The following PCDHGA4 variants were observed in gnomAD, a reference collection of about 807,000 sequenced individuals.
The protein encoded by PCDHGA4 is protocadherin gamma-A4.
PCDHGA4 carries 38 observed loss-of-function variants against 54.6 expected under a neutral mutation model. The observed-to-expected ratio is 0.70, with a 90% CI of 0.54 to 0.91. The LOEUF (loss-of-function observed/expected upper bound fraction) is 0.91. Among genes scored for constraint, PCDHGA4 ranks in the 40% least tolerant of loss-of-function variants. The pLI is 0.00. For missense variants in PCDHGA4, 1,298 were observed against 1,220.9 expected (o/e 1.06, Z -0.94); for synonymous variants, 511 against 512.9 (o/e 1.00, Z 0.05).
At chr5:141,362,001 C>T in intron 1 of PCDHGA4, 3 of 1,603,878 alleles carry the variant, frequency 1.9e-6, no homozygotes, top group South Asian at 1.1e-5. Flanking sequence ...TGGGGTTGCG[C>T]ACGGGTGAGG....
intron 1 of PCDHGA4, among the ~76,000 whole-genome samples, chr5:141,439,139 G>T (rs2098090438): frequency 6.6e-6 from 1 of 150,672 alleles, no homozygotes; most frequent in South Asian, 2.1e-4. Flanking sequence ...GTTGCAGTGA[G>T]CTGAGATCAC....
chr5:141,372,217 T>A (rs1267940459), intron 1 of PCDHGA4: 1 of 1,613,564 alleles, frequency 6.2e-7, no homozygotes, highest in Admixed American at 1.7e-5. Context: ...TCCTACCACA[T>A]TGTGCAGGCC....
At chr5:141,405,648 G>T (rs936380418) in intron 1 of PCDHGA4, 5 of 523,616 alleles carry the variant, frequency 9.5e-6, no homozygotes, top group African/African-American at 3.9e-5. Context: ...CTAATTTTTT[G>T]TGTGTTTTTA....
intron 1 of PCDHGA4, chr5:141,400,090 A>G: frequency 6.2e-7 from 1 of 1,614,064 alleles, no homozygotes; most frequent in Non-Finnish European, 8.5e-7. Context: ...CGCCACCGCC[A>G]CGCTGCACTT....
At chr5:141,492,191 G>A (rs996614987) in intron 1 of PCDHGA4, among the ~76,000 whole-genome samples, 1 of 152,204 alleles carries the variant, frequency 6.6e-6, no homozygotes, top group African/African-American at 2.4e-5. Context: ...ACCTGTCTGC[G>A]GGACTTAGGT....
chr5:141,383,635 C>G (rs1226106296), intron 1 of PCDHGA4: 6 of 1,613,966 alleles, frequency 3.7e-6, no homozygotes, highest in Non-Finnish European at 5.1e-6. Context: ...CTCTCTGCCT[C>G]AGTACCAAGT....
intron 1 of PCDHGA4, among the ~76,000 whole-genome samples, chr5:141,430,388 A>G (rs2097280501): frequency 6.6e-6 from 1 of 152,106 alleles, no homozygotes; most frequent in Non-Finnish European, 1.5e-5. Flanking sequence ...ATTGGGAAAA[A>G]AAAAAAAAGC....
intron 1 of PCDHGA4, among the ~76,000 whole-genome samples, chr5:141,465,824 T>A (rs1447359333): frequency 6.6e-6 from 1 of 152,076 alleles, no homozygotes; most frequent in Non-Finnish European, 1.5e-5. Context: ...ATCACATTTG[T>A]TTAAAATTTC....
chr5:141,404,183 G>T lies in PCDHGA4; in HGVS notation c.2514+46562G>T, dbSNP rs759576056. ...CAGATTGTTGACGGCCCAAATTCTT[G>T]ACCGAGAAAAAGCCTCAGAATATAA... On this transcript the variant is annotated intron_variant, in intron 1 of 3. Coordinates refer to ENST00000571252, the MANE Select transcript of PCDHGA4 (RefSeq NM_018917.4). 2.5e-6 allele frequency: 4 copies of T among 1,613,154 alleles called. No individual in the cohort carries two copies. In the South Asian group the frequency reaches 4.4e-5, roughly 18 times the overall value.
At chr5:141,441,872 G>A (rs1400648028) in intron 1 of PCDHGA4, 4 of 341,526 alleles carry the variant, frequency 1.2e-5, no homozygotes, top group East Asian at 9.4e-5. Context: ...GCGGAGCCTG[G>A]CTACCTGGTC....
At chr5:141,450,556 G>T (rs534127421) in intron 1 of PCDHGA4, among the ~76,000 whole-genome samples, 1 of 151,940 alleles carries the variant, frequency 6.6e-6, no homozygotes, top group African/African-American at 2.4e-5. Flanking sequence ...GCGCAGTCTC[G>T]GCTCACTGCA....
chr5:141,416,745 C>T (rs186830862), intron 1 of PCDHGA4: 5 of 152,194 alleles, frequency 3.3e-5, no homozygotes, highest in South Asian at 2.1e-4. Flanking sequence ...AAAATAGTGA[C>T]GTATTAGGTA....
Position 141,355,817 on chromosome 5 carries a change from C to A in PCDHGA4, c.710C>A (p.Ala237Glu). 6.2e-7 allele frequency: 1 copy of A among 1,612,886 alleles called. No individual in the cohort carries two copies. The highest frequency in any genetic ancestry group is 1.3e-5 in the African/African-American group (1 of 75,028). Residue 237 changes from alanine (A) to glutamate (E), a missense_variant, in exon 1 of 4, where the codon GCG becomes GAG. By Grantham distance (107) the Ala-to-Glu change is moderately radical. Transcript: ENST00000571252. ...CGCGCTCTAGATCGCGAGGAAGAGG[C>A]GGTTCACCACCTCGTTCTCACGGCC... ...LERALDREEE[A>E]VHHLVLTAFD...
chr5:141,413,833 G>A (rs917295013), intron 1 of PCDHGA4: 1 of 1,613,276 alleles, frequency 6.2e-7, no homozygotes, highest in Non-Finnish European at 8.5e-7. Context: ...CACCGCCTCC[G>A]ACGGGGGTGA....
chr5:141,378,542 TAATA>T (rs1181738762), intron 1 of PCDHGA4: 54 of 152,104 alleles, frequency 3.6e-4, no homozygotes, highest in Admixed American at 3.5e-3. Flanking sequence ...TAATGATAAT[TAATA>T]AATAAAGAGT....
rs2099883775 is a variant in PCDHGA4 at position 141,511,415 on chromosome 5, A to G, written c.*242A>G. On this transcript the variant is annotated 3_prime_UTR_variant, in exon 4 of 4. Transcript: ENST00000571252. ...CCCCATCCAATCAACTGCTGTACCC[A>G]TGGGGGTAGTGGGGTTACTGTAGAC... 1.2e-6 allele frequency: 1 copy of G among 868,992 alleles called. No individual in the cohort carries two copies. The highest frequency in any genetic ancestry group is 2.9e-5 in the East Asian group (1 of 34,592). The allele number at this position is 868,992 out of a possible 1,614,324, so 53.8% of individuals were successfully genotyped here.
intron 1 of PCDHGA4, chr5:141,428,285 C>CA (rs2097130658): frequency 2.7e-6 from 2 of 734,934 alleles, no homozygotes; most frequent in Non-Finnish European, 4.7e-6. Context: ...GATTCCCAAG[C>CA]AAAGCTGCAG....
chr5:141,403,789 C>T (rs1230029917), intron 1 of PCDHGA4: 1 of 1,613,864 alleles, frequency 6.2e-7, no homozygotes, highest in East Asian at 2.2e-5. Flanking sequence ...AAGTGGCATA[C>T]AAATTCTGGA....
At chr5:141,389,236 C>G (rs1360916753) in intron 1 of PCDHGA4, 1 of 1,614,054 alleles carries the variant, frequency 6.2e-7, no homozygotes, top group Non-Finnish European at 8.5e-7. Context: ...CCGGTTTTCT[C>G]ACAGTCTTCC....
Sources: gnomAD v4.1 joint callset for allele counts (sites outside exome capture counted in the v4.1 genomes callset) on GRCh38, gnomAD v4.1.1 for gene constraint, MANE v1.5 for transcripts, NCBI Gene and HGNC (gene_info 2026-07-23, HGNC 2026-07-21) for gene names.